Variants in RHCE observed in about 807,000 individuals in gnomAD.
The protein encoded by RHCE is Rh blood group CcEe antigens.
A neutral mutation model predicts 43.8 loss-of-function variants in RHCE; 22 were observed. The observed-to-expected ratio is 0.50, with a 90% confidence interval of 0.36 to 0.72. The LOEUF (loss-of-function observed/expected upper bound fraction) is 0.72, where lower values mean the gene tolerates loss of function less well. Ranked by LOEUF, RHCE falls within the 30% of genes least tolerant of loss-of-function variation. The pLI, the probability that RHCE is intolerant of heterozygous loss-of-function variation, is 0.00. For missense variants in RHCE, 385 were observed against 525.4 expected, an observed-to-expected ratio of 0.73 and a Z score of 2.61; for synonymous variants, 156 against 210.7, an observed-to-expected ratio of 0.74 and a Z score of 2.25.
At chr1:25,390,672 T>G in intron 5 of RHCE, 77 bp downstream of exon 5, 1 of 1,539,224 alleles carries the variant, frequency 6.5e-7, no homozygotes, top group Non-Finnish European at 9.0e-7. Flanking sequence ...ACGCTGGCCC[T>G]GGGGTGGGGA....
upstream of RHCE, among the ~76,000 whole-genome samples, chr1:25,421,182 G>C (rs1035098926): frequency 1.3e-5 from 2 of 152,168 alleles, no homozygotes; most frequent in Admixed American, 1.3e-4. Flanking sequence ...TTATAAATAA[G>C]GAAACTGAAG....
At position 25,418,113 on chromosome 1, in the gene RHCE, A is replaced by T. The variant is rs193193407; in HGVS notation, c.148+2526T>A. 6.5e-4 allele frequency among the ~76,000 whole-genome samples: 98 copies of T among 151,538 alleles called. 3 individuals are homozygous for T. The East Asian group carries it at 0.015, about 23-fold the overall frequency. Reference sequence around the variant, plus strand: ...GCGTATTCTCAGCTCAGCTACCTCTACCTCCTGGGTTCAAGCAATTCTCCT... The same window carrying T: ...GCGTATTCTCAGCTCAGCTACCTCTTCCTCCTGGGTTCAAGCAATTCTCCT... On this transcript the variant is annotated intron_variant, in intron 1 of 9. Transcript: ENST00000294413.
chr1:25,414,984 C>T (rs956507043), intron 1 of RHCE, among the ~76,000 whole-genome samples: 1 of 152,104 alleles, frequency 6.6e-6, no homozygotes, highest in Non-Finnish European at 1.5e-5. Flanking sequence ...ATACTCTCTG[C>T]TTCCCCTAAG....
chr1:25,401,477 C>T (rs657894), intron 3 of RHCE, among the ~76,000 whole-genome samples: 88,079 of 151,662 alleles, frequency 0.58, 26,842 homozygotes, highest in African/African-American at 0.76. Flanking sequence ...AGGCATCAGC[C>T]TTCTCACCTA....
chr1:25,376,900 C>T (rs1372477615), intron 7 of RHCE, among the ~76,000 whole-genome samples: 1 of 150,834 alleles, frequency 6.6e-6, no homozygotes, highest in East Asian at 2.0e-4. Flanking sequence ...GGCAACAGAG[C>T]AAGACTCCAT....
At chr1:25,384,547 C>T (rs930742252) in intron 7 of RHCE, among the ~76,000 whole-genome samples, 1 of 152,196 alleles carries the variant, frequency 6.6e-6, no homozygotes, top group African/African-American at 2.4e-5. Flanking sequence ...GTGGCAGACA[C>T]ATCACTGGAA....
intron 8 of RHCE, among the ~76,000 whole-genome samples, chr1:25,372,048 A>G (rs1645625753): frequency 6.6e-6 from 1 of 151,588 alleles, no homozygotes; most frequent in African/African-American, 2.4e-5. Flanking sequence ...TCTAAAATAT[A>G]TTTTGTCTTC....
intron 7 of RHCE, among the ~76,000 whole-genome samples, chr1:25,378,162 A>T (rs1197353090): frequency 6.6e-6 from 1 of 152,220 alleles, no homozygotes; most frequent in African/African-American, 2.4e-5. Flanking sequence ...AAGAAGGAAA[A>T]CACCAAGTGT....
rs1289436774 is a variant in RHCE at position 25,407,299 on chromosome 1, T to C, written c.335+1384A>G. 3.3e-5 allele frequency among the ~76,000 whole-genome samples: 4 copies of C among 122,904 alleles called. 1 individual carries two copies. The highest frequency in any genetic ancestry group is 7.4e-5 in the Non-Finnish European group (4 of 53,942). The allele number at this position is 122,904 out of a possible 152,430, so 80.6% of individuals were successfully genotyped here. A position where few individuals can be genotyped will look rare whatever the true frequency, so the allele number is the denominator to read the frequency against. On this transcript the variant is annotated intron_variant, in intron 2 of 9. Coordinates refer to ENST00000294413, the MANE Select transcript of RHCE (RefSeq NM_020485.8). The stretch of plus-strand genomic sequence containing the variant: ...AGTCAGGAGCTGGCTAGACTGTGTT[T>C]CATGTTCTGACCACTCTGGAGCATG...
At chr1:25,391,861 A>G in intron 4 of RHCE, 133 bp downstream of exon 4, 2 of 1,288,446 alleles carry the variant, frequency 1.6e-6, no homozygotes, top group Non-Finnish European at 2.2e-6. Flanking sequence ...TACTCAAAGA[A>G]GTGAATCATG....
At chr1:25,379,482 TA>T (rs1557605320) in intron 7 of RHCE, among the ~76,000 whole-genome samples, 72 of 12,632 alleles carry the variant, frequency 5.7e-3, no homozygotes, top group Non-Finnish European at 6.3e-3. Flanking sequence ...TATATATATA[TA>T]TATATATATA....
At chr1:25,394,171 T>C (rs952975288) in intron 3 of RHCE, among the ~76,000 whole-genome samples, 16 of 152,162 alleles carry the variant, frequency 1.1e-4, no homozygotes, top group African/African-American at 3.9e-4. Flanking sequence ...GTATTTTTAG[T>C]AGAGACGGGG....
chr1:25,411,084 T>G (rs545636708), intron 1 of RHCE, among the ~76,000 whole-genome samples: 1 of 151,338 alleles, frequency 6.6e-6, no homozygotes, highest in East Asian at 1.9e-4. Flanking sequence ...ACAGTGAGAC[T>G]CTGTCTCAAA....
At chr1:25,424,435 TG>T (rs1015787451), upstream of RHCE, among the ~76,000 whole-genome samples, 2 of 152,140 alleles carry the variant, frequency 1.3e-5, no homozygotes, top group Non-Finnish European at 2.9e-5. Flanking sequence ...TTGCCCAGGC[TG>T]GACTGCAATG....
At chr1:25,383,218 T>C (rs1303444691) in intron 7 of RHCE, among the ~76,000 whole-genome samples, 1 of 152,178 alleles carries the variant, frequency 6.6e-6, no homozygotes, top group African/African-American at 2.4e-5. Flanking sequence ...ATCCCACAGT[T>C]TGTGGGAAAT....
At chr1:25,420,320 G>A (rs1303771030) in intron 1 of RHCE, among the ~76,000 whole-genome samples, 2 of 152,296 alleles carry the variant, frequency 1.3e-5, no homozygotes, top group Admixed American at 1.3e-4. Flanking sequence ...TTGCCACTAA[G>A]GAGAGAGAAG....
At position 25,394,908 on chromosome 1, in the gene RHCE, C is replaced by T. The variant is rs535010519; in HGVS notation, c.487-2767G>A. 5.9e-5 allele frequency among the ~76,000 whole-genome samples: 9 copies of T among 151,542 alleles called. No homozygotes were observed. The South Asian group carries it at 1.0e-3, about 18-fold the overall frequency. Reference sequence around the variant, plus strand: ...CTCTGGTCCCTGGCTCTGGTTCCCCCGAGCCCTCCTGCTGAAGAAACCCAG... The same window carrying T: ...CTCTGGTCCCTGGCTCTGGTTCCCCTGAGCCCTCCTGCTGAAGAAACCCAG... On this transcript the variant is annotated intron_variant, in intron 3 of 9. Transcript: ENST00000294413.
intron 1 of RHCE, chr1:25,411,467 C>A (rs1329623449): frequency 6.5e-7 from 1 of 1,548,374 alleles, no homozygotes; most frequent in Admixed American, 2.0e-5. Flanking sequence ...GAAACGTACA[C>A]ACACCCAGGG....
Position 25,402,595 on chromosome 1 carries a change from C to T in RHCE, c.486+1G>A, listed in dbSNP as rs753832633. ...TCCCTCCTCCCAGCACCATGACTCA[C>T]GTTGAAGATATTACTGATGACCATC... On this transcript the variant is annotated splice_donor_variant, in intron 3 of 9. Transcript: ENST00000294413. LOFTEE classifies it high-confidence loss of function. The T allele has an allele frequency of 3.7e-6, 6 of 1,613,918 alleles. No homozygotes were observed. The highest frequency in any genetic ancestry group is 5.1e-6 in the Non-Finnish European group (6 of 1,180,030).
Sources: gnomAD v4.1 joint callset for allele counts (sites outside exome capture counted in the v4.1 genomes callset) on GRCh38, gnomAD v4.1.1 for gene constraint, MANE v1.5 for transcripts, NCBI Gene and HGNC (gene_info 2026-07-23, HGNC 2026-07-21) for gene names.